The following TTK variants were observed in gnomAD, a reference collection of about 807,000 sequenced individuals.
TTK encodes TTK protein kinase.
TTK carries 59 observed loss-of-function variants against 117.3 expected under a neutral mutation model. That is an observed-to-expected ratio of 0.50 (90% CI 0.41 to 0.62). The LOEUF (loss-of-function observed/expected upper bound fraction) is 0.62. Among genes scored for constraint, TTK ranks in the 20% least tolerant of loss-of-function variants. The pLI, the probability that TTK is intolerant of heterozygous loss-of-function variation, is 0.00. For missense variants in TTK, 921 were observed against 989.4 expected (o/e 0.93, Z 0.93); for synonymous variants, 302 against 325.0 (o/e 0.93, Z 0.76).
intron 14 of TTK, among the ~76,000 whole-genome samples, chr6:80,034,533 G>A (rs1767843220): frequency 6.6e-6 from 1 of 151,982 alleles, no homozygotes; most frequent in Non-Finnish European, 1.5e-5. Flanking sequence ...TCACTATTTT[G>A]CCGAGGCTGG....
At position 80,007,930 on chromosome 6, in the gene TTK, G is replaced by A. The variant is rs1036094009; in HGVS notation, c.261G>A (p.Leu87=). 5 of 1,613,618 alleles carry A rather than the reference G, an allele frequency of 3.1e-6. No individual in the cohort carries two copies. The South Asian group carries it at 4.4e-5, about 14-fold the overall frequency. Reference sequence around the variant, plus strand: ...TAAGTGATGCTCTTTTAAATAAATTGATTGGTCGTTACAGTCAAGCAATTG... The same window carrying A: ...TAAGTGATGCTCTTTTAAATAAATTAATTGGTCGTTACAGTCAAGCAATTG... ...VPLSDALLNK[L]IGRYSQAIEA... Residue 87 remains leucine, a synonymous_variant, in exon 3 of 22, where the codon TTG becomes TTA. Coordinates refer to ENST00000369798, the MANE Select transcript of TTK (RefSeq NM_003318.5).
At chr6:80,022,495 A>C (rs777016242) in intron 11 of TTK, 23 bp downstream of exon 11, 1 of 1,605,096 alleles carries the variant, frequency 6.2e-7, no homozygotes, top group African/African-American at 1.3e-5. Context: ...CTAAAGTACA[A>C]TATTGCTTTT....
At chr6:80,008,732 A>G (rs1767062408) in intron 4 of TTK, among the ~76,000 whole-genome samples, 2 of 152,118 alleles carry the variant, frequency 1.3e-5, no homozygotes, top group Admixed American at 1.3e-4. Context: ...TGTATGTGCT[A>G]CTAGTTAGAT....
At chr6:80,039,370 A>T (rs189966489) in intron 18 of TTK, among the ~76,000 whole-genome samples, 9 of 115,782 alleles carry the variant, frequency 7.8e-5, no homozygotes, top group African/African-American at 3.0e-4. Context: ...ATTTATTATA[A>T]TCCAGTAATT....
At position 80,042,118 on chromosome 6, in the gene TTK, G is replaced by T; in HGVS notation, c.2491-1G>T. On this transcript the variant is annotated splice_acceptor_variant, in intron 21 of 21. Coordinates refer to ENST00000369798, the MANE Select transcript of TTK (RefSeq NM_003318.5). LOFTEE classifies it high-confidence loss of function. ...AACAGATTTGTGTTTTTTAATTTCA[G>T]ACTTTATATGAACACTATAGTGGTG... 6.5e-7 allele frequency: 1 copy of T among 1,534,452 alleles called. No homozygotes were observed. The highest frequency in any genetic ancestry group is 1.9e-4 in the Middle Eastern group (1 of 5,352).
intron 1 of TTK, 149 bp downstream of exon 1, chr6:80,004,862 G>C (rs1281352115): frequency 6.6e-6 from 1 of 152,154 alleles, no homozygotes; most frequent in Non-Finnish European, 1.5e-5. Flanking sequence ...AGCTGGAGGG[G>C]GAGGGGATGT....
intron 18 of TTK, among the ~76,000 whole-genome samples, chr6:80,038,490 A>G (rs2127684140): frequency 6.6e-6 from 1 of 152,204 alleles, no homozygotes; most frequent in South Asian, 2.1e-4. Context: ...CTGCCTCTTC[A>G]TTAACAACTG....
chr6:80,010,892 C>T lies in TTK; in HGVS notation c.548C>T (p.Ala183Val). The change falls in exon 5 of 22, where the codon GCC becomes GTC. Residue 183 changes from alanine to valine, a missense_variant. By Grantham distance (64) the Ala-to-Val change is moderately conservative. Coordinates refer to ENST00000369798, the MANE Select transcript of TTK (RefSeq NM_003318.5). ...GAVPLEMLEI[A>V]LRNLNLQKKQ... The stretch of plus-strand genomic sequence containing the variant: ...GTACCACTAGAAATGCTGGAAATTG[C>T]CCTGCGGAATTTAAACCTCCAAAAA... The T allele has an allele frequency of 6.2e-7, 1 of 1,612,008 alleles. No homozygotes were observed. Among genetic ancestry groups the T allele is most frequent in the Non-Finnish European group, 8.5e-7 (1 of 1,178,642 alleles).
rs550228260 is a variant in TTK, at chr6:80,008,630, A to G, written c.469+138A>G. On this transcript the variant is annotated intron_variant, in intron 4 of 21. Coordinates refer to ENST00000369798, the MANE Select transcript of TTK (RefSeq NM_003318.5). ...GTTGATCAGATGAGAATATGGGGAG[A>G]AAATGCCACCTAAATGTAAATGCAG... 56 of 619,472 alleles carry G rather than the reference A, an allele frequency of 9.0e-5. No homozygotes were observed. In the East Asian group the frequency reaches 1.4e-3, roughly 16 times the overall value. 38.4% of individuals were successfully genotyped at this position (619,472 alleles called of 1,614,324 possible). A position where few individuals can be genotyped will look rare whatever the true frequency, so the allele number is the denominator to read the frequency against.
intron 18 of TTK, among the ~76,000 whole-genome samples, chr6:80,039,137 C>T (rs1018595258): frequency 5.9e-5 from 9 of 152,092 alleles, no homozygotes; most frequent in African/African-American, 1.9e-4. Flanking sequence ...TATAACTATT[C>T]TATTTAAAAG....
At chr6:80,008,324 A>G in intron 3 of TTK, 62 bp from the exon 4 acceptor site, 3 of 1,483,330 alleles carry the variant, frequency 2.0e-6, no homozygotes, top group Non-Finnish European at 2.8e-6. Context: ...TGAATGAAGC[A>G]TTATCAAATT....
chr6:80,041,793 T>C (rs1405504906), intron 21 of TTK, among the ~76,000 whole-genome samples: 2 of 151,420 alleles, frequency 1.3e-5, no homozygotes, highest in Non-Finnish European at 3.0e-5. Context: ...ATATTTTGTA[T>C]AGGAATTTAC....
At chr6:80,004,896 C>G (rs1766946033) in intron 1 of TTK, 183 bp downstream of exon 1, 1 of 152,064 alleles carries the variant, frequency 6.6e-6, no homozygotes, top group African/African-American at 2.4e-5. Context: ...CGGGTCTGGC[C>G]GGTGGGGTGA....
At chr6:80,031,429 TATTG>T in intron 13 of TTK, 34 bp from the exon 14 acceptor site, 2 of 1,289,018 alleles carry the variant, frequency 1.6e-6, no homozygotes, top group Non-Finnish European at 2.1e-6. Flanking sequence ...TTCTTAGGTA[TATTG>T]ATTAACTTTT....
In TTK at chr6:80,013,381, T is replaced by C. The variant is rs745731549; in HGVS notation, c.984+15T>C. 3.8e-6 allele frequency: 6 copies of C among 1,569,214 alleles called. No homozygotes were observed. In the Admixed American group the frequency reaches 9.6e-5, roughly 25 times the overall value. ...GAAATTTAAAGGTATTTTAATTCTA[T>C]ATCATTATATAAAGCAAGGGTTCCT... is the stretch of plus-strand genomic sequence containing the variant. On this transcript the variant is annotated intron_variant, in intron 9 of 21. Coordinates refer to ENST00000369798, the MANE Select transcript of TTK (RefSeq NM_003318.5).
chr6:80,032,605 G>A (rs988439385), intron 14 of TTK, among the ~76,000 whole-genome samples: 1 of 152,072 alleles, frequency 6.6e-6, no homozygotes, highest in Non-Finnish European at 1.5e-5. Context: ...TCCCATTTGA[G>A]TAAATGGCAG....
intron 11 of TTK, among the ~76,000 whole-genome samples, chr6:80,025,799 G>A (rs755767032): frequency 6.6e-6 from 1 of 151,788 alleles, no homozygotes; most frequent in South Asian, 2.1e-4. Context: ...GCTGATTTCT[G>A]CTGCAGCGGA....
chr6:80,029,712 G>T (rs1022855575), intron 13 of TTK, among the ~76,000 whole-genome samples: 2 of 152,228 alleles, frequency 1.3e-5, no homozygotes, highest in Non-Finnish European at 2.9e-5. Context: ...GGAAGCTTTG[G>T]AAGAGGTTGA....
At chr6:80,014,690 T>A in intron 10 of TTK, 104 bp downstream of exon 10, 1 of 1,196,182 alleles carries the variant, frequency 8.4e-7, no homozygotes. Flanking sequence ...TGAAACTGTG[T>A]CTATGTTCTT....
Sources: gnomAD v4.1 joint callset for allele counts (sites outside exome capture counted in the v4.1 genomes callset) on GRCh38, gnomAD v4.1.1 for gene constraint, MANE v1.5 for transcripts, NCBI Gene and HGNC (gene_info 2026-07-23, HGNC 2026-07-21) for gene names.